The following SLC9C1 variants were observed in gnomAD, a reference collection of about 807,000 sequenced individuals.
SLC9C1 encodes sodium/hydrogen exchanger 10.
In SLC9C1, 97 loss-of-function variants were observed where a neutral mutation model predicts 140.9. That is an observed-to-expected ratio of 0.69 (90% CI 0.58 to 0.82). The LOEUF is 0.82. Among genes scored for constraint, SLC9C1 ranks in the 40% least tolerant of loss-of-function variants. SLC9C1 has a pLI of 0.00. For missense variants in SLC9C1, 1,340 were observed against 1,389.3 expected (o/e 0.96, Z 0.56); for synonymous variants, 440 against 442.6 (o/e 0.99, Z 0.07).
At position 112,169,304 on chromosome 3, in the gene SLC9C1, AG is replaced by A. The variant is rs1481755959; in HGVS notation, c.2943del (p.Leu982CysfsTer18). ...VVETCFIPKTHLYDAFEQCSP... is the reference protein window; with the variant it reads ...VVETCFIPKTXLYDAFEQCSP... ...GAGCATTGCTCAAAAGCATCATACA[AG>A]TGAGTTTTGGGAATAAAACATGTCT... On this transcript the variant is annotated frameshift_variant, in exon 24 of 29. Coordinates refer to ENST00000305815, the MANE Select transcript of SLC9C1 (RefSeq NM_183061.3). LOFTEE classifies it high-confidence loss of function. The A allele has an allele frequency of 6.2e-7, 1 of 1,610,938 alleles. No individual in the cohort carries two copies. The highest frequency in any genetic ancestry group is 1.3e-5 in the African/African-American group (1 of 74,834).
chr3:112,231,837 C>T (rs2078837961), intron 12 of SLC9C1, among the ~76,000 whole-genome samples: 2 of 152,156 alleles, frequency 1.3e-5, no homozygotes, highest in Non-Finnish European at 2.9e-5. Flanking sequence ...TTGTTAGAAA[C>T]GTGCATTCTC....
At chr3:112,184,615 G>A (rs12054138) in intron 20 of SLC9C1, among the ~76,000 whole-genome samples, 60,860 of 152,100 alleles carry the variant, frequency 0.4, 12,699 homozygotes, top group East Asian at 0.63. Flanking sequence ...CAGCCTGGGC[G>A]ACAGAGCGAG....
At chr3:112,176,383 T>G (rs2077336854) in intron 23 of SLC9C1, among the ~76,000 whole-genome samples, 1 of 152,234 alleles carries the variant, frequency 6.6e-6, no homozygotes, top group Non-Finnish European at 1.5e-5. Context: ...CTATGTTTAC[T>G]TGCCCCTTCC....
chr3:112,256,785 C>T (rs2079618570), intron 10 of SLC9C1, among the ~76,000 whole-genome samples: 1 of 152,136 alleles, frequency 6.6e-6, no homozygotes, highest in South Asian at 2.1e-4. Flanking sequence ...TCCTTATTTG[C>T]AGATGACATG....
At chr3:112,239,699 A>T in intron 12 of SLC9C1, 141 bp downstream of exon 12, 1 of 831,648 alleles carries the variant, frequency 1.2e-6, no homozygotes, top group Non-Finnish European at 1.8e-6. Flanking sequence ...CCCCCTTACT[A>T]CTTTGTTAAA....
At chr3:112,242,961 A>G (rs900466836) in intron 11 of SLC9C1, among the ~76,000 whole-genome samples, 5 of 152,236 alleles carry the variant, frequency 3.3e-5, no homozygotes, top group African/African-American at 1.2e-4. Context: ...TCAAAATCAC[A>G]ATGAGATACC....
intron 10 of SLC9C1, among the ~76,000 whole-genome samples, chr3:112,245,375 T>C (rs1391655186): frequency 6.6e-6 from 1 of 152,142 alleles, no homozygotes; most frequent in Non-Finnish European, 1.5e-5. Flanking sequence ...TATTTAAGTC[T>C]ATGGTCCATC....
intron 28 of SLC9C1, among the ~76,000 whole-genome samples, chr3:112,141,928 A>G (rs985313335): frequency 2.6e-5 from 4 of 152,200 alleles, no homozygotes; most frequent in African/African-American, 9.6e-5. Flanking sequence ...ACATTGATCT[A>G]TACAACCAAC....
chr3:112,169,842 A>G (rs1173356378), intron 23 of SLC9C1, among the ~76,000 whole-genome samples: 2 of 152,140 alleles, frequency 1.3e-5, no homozygotes, highest in Non-Finnish European at 2.9e-5. Context: ...AACAGTACTA[A>G]TTCTTCTGAT....
At chr3:112,190,609 T>C (rs939660055) in intron 20 of SLC9C1, among the ~76,000 whole-genome samples, 6 of 152,212 alleles carry the variant, frequency 3.9e-5, no homozygotes, top group Admixed American at 3.9e-4. Flanking sequence ...TCTTTAGTTT[T>C]ATTTCTCTAG....
intron 26 of SLC9C1, among the ~76,000 whole-genome samples, chr3:112,157,233 A>T (rs1045935753): frequency 6.6e-6 from 1 of 152,032 alleles, no homozygotes; most frequent in Non-Finnish European, 1.5e-5. Flanking sequence ...ATTCTTCTGC[A>T]TATGGATGTC....
intron 10 of SLC9C1, among the ~76,000 whole-genome samples, chr3:112,246,836 CA>C (rs2079299740): frequency 6.6e-6 from 1 of 152,086 alleles, no homozygotes; most frequent in Non-Finnish European, 1.5e-5. Flanking sequence ...GCTTAAAAAG[CA>C]GAAGAAAAGC....
rs780959287 is a variant in SLC9C1 at position 112,141,280 on chromosome 3, T to A, written c.3526A>T (p.Lys1176Ter). ...CGGTCTTCTTAACAGTCTTACTCTT[T>A]CCTAATAGAAGCGGAAAGAAAAAAC... ...SPRINLRKVR[K>*]E Residue 1176 changes from lysine to a stop codon, truncating the protein, a stop_gained and splice_region_variant, in exon 29 of 29, where the codon AAA (lysine) becomes TAA (stop). Transcript: ENST00000305815. LOFTEE classifies it high-confidence loss of function. The A allele has an allele frequency of 6.3e-7, 1 of 1,583,772 alleles. No individual in the cohort carries two copies.
chr3:112,290,475 C>T (rs1312411845), intron 1 of SLC9C1, among the ~76,000 whole-genome samples: 4 of 151,814 alleles, frequency 2.6e-5, no homozygotes, highest in Non-Finnish European at 5.9e-5. Context: ...TTTGTTTGAC[C>T]GTATGGTTGA....
intron 28 of SLC9C1, among the ~76,000 whole-genome samples, chr3:112,150,578 G>A (rs2074927341): frequency 6.6e-6 from 1 of 151,798 alleles, no homozygotes; most frequent in Non-Finnish European, 1.5e-5. Context: ...TAATTTTTAT[G>A]CACTATCTTG....
chr3:112,151,646 G>A (rs1223451391), intron 28 of SLC9C1, among the ~76,000 whole-genome samples: 2 of 152,198 alleles, frequency 1.3e-5, no homozygotes, highest in African/African-American at 2.4e-5. Context: ...AGAATATTAT[G>A]AAGTTTTCAG....
At chr3:112,251,275 G>T (rs1213137574) in intron 10 of SLC9C1, among the ~76,000 whole-genome samples, 1 of 152,078 alleles carries the variant, frequency 6.6e-6, no homozygotes, top group African/African-American at 2.4e-5. Flanking sequence ...GTGACACAGA[G>T]TCAGGGGAGC....
At chr3:112,286,623 C>A in intron 2 of SLC9C1, 81 bp downstream of exon 2, 1 of 1,193,772 alleles carries the variant, frequency 8.4e-7, no homozygotes. Context: ...CCTATTACTT[C>A]TACTTTCCTT....
At chr3:112,155,186 G>A in intron 26 of SLC9C1, 137 bp from the exon 27 acceptor site, 3 of 620,880 alleles carry the variant, frequency 4.8e-6, no homozygotes, top group Non-Finnish European at 7.7e-6. Flanking sequence ...AATCTCATTT[G>A]GTTAAAAAAA....
Sources: allele counts gnomAD v4.1 joint callset (sites outside exome capture counted in the v4.1 genomes callset), GRCh38; gene constraint gnomAD v4.1.1; transcripts MANE v1.5; gene names NCBI Gene and HGNC (gene_info 2026-07-23, HGNC 2026-07-21).